Variants in JMJD1C observed in about 807,000 individuals in gnomAD.
JMJD1C encodes jumonji domain-containing protein 1C.
Under a neutral mutation model 245.3 loss-of-function variants are expected in JMJD1C, and 31 were observed. The ratio of observed to expected loss-of-function variants is 0.13; its 90% CI spans 0.09 to 0.17. JMJD1C has a LOEUF of 0.17. JMJD1C is among the 10% of genes least tolerant of loss of function. The pLI is 1.00. For synonymous variants in JMJD1C, 1,057 were observed against 1,017.4 expected (o/e 1.04, Z -0.74); for missense variants, 2,691 against 3,000.2 (o/e 0.90, Z 2.41).
intron 1 of JMJD1C, among the ~76,000 whole-genome samples, chr10:63,390,066 AC>A (rs1295260123): frequency 6.6e-6 from 1 of 152,198 alleles, no homozygotes; most frequent in African/African-American, 2.4e-5. Flanking sequence ...ACAGATACTA[AC>A]AAAATACAAA....
At chr10:63,496,648 T>C (rs1954375008) in intron 1 of JMJD1C, among the ~76,000 whole-genome samples, 1 of 152,224 alleles carries the variant, frequency 6.6e-6, no homozygotes. Context: ...ATAGCCTCAG[T>C]TTCTGTCCCA....
intron 3 of JMJD1C, 30 bp downstream of exon 3, chr10:63,264,621 A>G: frequency 1.0e-6 from 1 of 959,132 alleles, no homozygotes; most frequent in Non-Finnish European, 1.6e-6. Flanking sequence ...ATTAACCTTT[A>G]ATTTTAAAAA....
At chr10:63,340,902 G>A (rs1476165834) in intron 2 of JMJD1C, among the ~76,000 whole-genome samples, 1 of 151,954 alleles carries the variant, frequency 6.6e-6, no homozygotes, top group Non-Finnish European at 1.5e-5. Flanking sequence ...TTGAAATCGC[G>A]CCACTGCACT....
chr10:63,430,976 G>T (rs999303406), intron 1 of JMJD1C, among the ~76,000 whole-genome samples: 2 of 152,018 alleles, frequency 1.3e-5, no homozygotes, highest in African/African-American at 4.8e-5. Flanking sequence ...CTCCCACCTC[G>T]CTTCCCAAAG....
intron 14 of JMJD1C, chr10:63,193,733 C>G (rs1845117525): frequency 1.3e-5 from 3 of 237,228 alleles, no homozygotes; most frequent in East Asian, 2.2e-4. Context: ...GTGGCGCCAT[C>G]TGGGCTCACT....
rs974294111 is a variant in JMJD1C at position 63,205,011 on chromosome 10, C to T, written c.5074+1584G>A. On this transcript the variant is annotated intron_variant, in intron 10 of 25. Transcript: ENST00000399262. Reference sequence around the variant, plus strand: ...CACACGGACATAGTGAAACTAAGTGCTTTCTGCATTGTGCAACATACCTAA... The same window carrying T: ...CACACGGACATAGTGAAACTAAGTGTTTTCTGCATTGTGCAACATACCTAA... 5 of 985,234 alleles carry T rather than the reference C, an allele frequency of 5.1e-6. No homozygotes were observed. The African/African-American group carries it at 8.7e-5, about 17-fold the overall frequency. The allele number at this position is 985,234 out of a possible 1,614,324, so 61.0% of individuals were successfully genotyped here.
chr10:63,331,906 C>T (rs1432768844), intron 2 of JMJD1C, among the ~76,000 whole-genome samples: 2 of 152,218 alleles, frequency 1.3e-5, no homozygotes, highest in Non-Finnish European at 1.5e-5. Context: ...ATACATGAGC[C>T]ACAGCACCCG....
At chr10:63,322,380 T>C (rs370405869) in intron 2 of JMJD1C, among the ~76,000 whole-genome samples, 18 of 152,242 alleles carry the variant, frequency 1.2e-4, no homozygotes, top group East Asian at 5.8e-4. Flanking sequence ...ACCTGCAGTA[T>C]ATTATGAGCG....
chr10:63,215,734 G>C (rs1208487241), intron 5 of JMJD1C, 38 bp from the exon 6 acceptor site: 2 of 1,365,254 alleles, frequency 1.5e-6, no homozygotes, highest in East Asian at 4.9e-5. Context: ...AAATTAAATA[G>C]AATGAGCTAA....
Position 63,168,299 on chromosome 10 carries a change from A to C in JMJD1C, c.7533+136T>G. The C allele has an allele frequency of 8.9e-6, 9 of 1,011,396 alleles. No individual in the cohort carries two copies. The South Asian group carries it at 1.3e-4, about 14-fold the overall frequency. The allele number at this position is 1,011,396 out of a possible 1,614,324, so 62.7% of individuals were successfully genotyped here. ...GGGACACTATAAATCATACAATTAA[A>C]TACATGTTGGTGTTAATCTTTGGTT... On this transcript the variant is annotated intron_variant, in intron 25 of 25. Transcript: ENST00000399262.
chr10:63,232,211 T>TTA, intron 3 of JMJD1C, among the ~76,000 whole-genome samples: 1 of 152,104 alleles, frequency 6.6e-6, no homozygotes, highest in Non-Finnish European at 1.5e-5. Flanking sequence ...TTAACAATCA[T>TTA]CTTCTCAATA....
chr10:63,203,220 G>A, intron 10 of JMJD1C: 1 of 983,982 alleles, frequency 1.0e-6, no homozygotes, highest in Non-Finnish European at 1.2e-6. Context: ...AACTGTCATA[G>A]TATTTGTACA....
chr10:63,370,628 G>A (rs1946236968), intron 2 of JMJD1C, among the ~76,000 whole-genome samples: 1 of 152,126 alleles, frequency 6.6e-6, no homozygotes, highest in Non-Finnish European at 1.5e-5. Flanking sequence ...AAGAAATTCA[G>A]ACAGACTTAA....
At chr10:63,193,257 A>G (rs371416494) in intron 15 of JMJD1C, 88 bp downstream of exon 15, 23 of 1,476,992 alleles carry the variant, frequency 1.6e-5, no homozygotes, top group Admixed American at 3.8e-5. Flanking sequence ...TAATTCATAC[A>G]TAAGTCCTAA....
At chr10:63,494,221 G>C (rs1250722649) in intron 1 of JMJD1C, among the ~76,000 whole-genome samples, 1 of 151,962 alleles carries the variant, frequency 6.6e-6, no homozygotes, top group Admixed American at 6.6e-5. Context: ...TGAGGCAGGA[G>C]AATCACTTGA....
chr10:63,467,463 G>A (rs1056296239), upstream of JMJD1C, among the ~76,000 whole-genome samples: 2 of 152,172 alleles, frequency 1.3e-5, no homozygotes, highest in Admixed American at 6.5e-5. Flanking sequence ...AGCCGGGATC[G>A]TGCCACTGCA....
chr10:63,223,373 G>A (rs899419708), intron 3 of JMJD1C, among the ~76,000 whole-genome samples: 14 of 151,720 alleles, frequency 9.2e-5, no homozygotes, highest in Admixed American at 2.6e-4. Context: ...GATTACAGGC[G>A]CATACCACCA....
intron 1 of JMJD1C, among the ~76,000 whole-genome samples, chr10:63,517,119 CTCT>C (rs1193740131): frequency 6.6e-6 from 1 of 152,174 alleles, no homozygotes; most frequent in Non-Finnish European, 1.5e-5. Context: ...TGAAAATGCT[CTCT>C]TAATAGAAAT....
intron 1 of JMJD1C, among the ~76,000 whole-genome samples, chr10:63,438,696 C>T (rs892018650): frequency 6.6e-6 from 1 of 152,164 alleles, no homozygotes; most frequent in Non-Finnish European, 1.5e-5. Flanking sequence ...ACGCTAGGCT[C>T]ATTCCCAATC....
Sources: allele counts gnomAD v4.1 joint callset (sites outside exome capture counted in the v4.1 genomes callset), GRCh38; gene constraint gnomAD v4.1.1; transcripts MANE v1.5; gene names NCBI Gene and HGNC (gene_info 2026-07-23, HGNC 2026-07-21).